CNNM1: variants seen among roughly 807,000 people sequenced by gnomAD.
The protein encoded by CNNM1 is metal transporter CNNM1.
A neutral mutation model predicts 78.8 loss-of-function variants in CNNM1; 44 were observed. That is an observed-to-expected ratio of 0.56 (90% CI 0.44 to 0.72). The LOEUF (loss-of-function observed/expected upper bound fraction) is 0.72, where lower values mean the gene tolerates loss of function less well. Among genes scored for constraint, CNNM1 ranks in the 30% least tolerant of loss-of-function variants. The pLI is 0.00. For synonymous variants in CNNM1, 584 were observed against 581.5 expected, an observed-to-expected ratio of 1.00 and a Z score of -0.06; for missense variants, 1,101 against 1,292.2, an observed-to-expected ratio of 0.85 and a Z score of 2.27.
chr10:99,344,812 T>C (rs1003007220), intron 1 of CNNM1, among the ~76,000 whole-genome samples: 3 of 152,252 alleles, frequency 2.0e-5, no homozygotes, highest in African/African-American at 7.2e-5. Flanking sequence ...GGCTTGGATT[T>C]GAAGGCGAAG....
Position 99,329,891 on chromosome 10 carries a change from C to A in CNNM1, c.504C>A (p.Arg168=), listed in dbSNP as rs1850562041. Reference sequence around the variant, plus strand: ...TCCAGGTGCGAGTGCGGGAGCTGCGCAAGGGCGAAGCGGAGCGGGGCGGCG... The same window carrying A: ...TCCAGGTGCGAGTGCGGGAGCTGCGAAAGGGCGAAGCGGAGCGGGGCGGCG... ...ALVQVRVREL[R]KGEAERGGAG... Residue 168 remains arginine, a synonymous_variant, in exon 1 of 11, where the codon CGC becomes CGA. Transcript: ENST00000356713. 2 of 1,392,756 alleles carry A rather than the reference C, an allele frequency of 1.4e-6. No homozygotes were observed. Among genetic ancestry groups the A allele is most frequent in the East Asian group, 6.0e-5 (2 of 33,452 alleles). 86.3% of individuals were successfully genotyped at this position (1,392,756 alleles called of 1,614,324 possible). A position where few individuals can be genotyped will look rare whatever the true frequency, so the allele number is the denominator to read the frequency against.
intron 6 of CNNM1, among the ~76,000 whole-genome samples, chr10:99,373,774 T>G (rs2031881033): frequency 6.6e-6 from 1 of 152,220 alleles, no homozygotes; most frequent in South Asian, 2.1e-4. Flanking sequence ...ACATATTATT[T>G]AGCTCCCACT....
At position 99,329,836 on chromosome 10, in the gene CNNM1, G is replaced by T. The variant is rs1256461263; in HGVS notation, c.449G>T (p.Arg150Leu). 1 of 1,422,236 alleles carries T rather than the reference G, an allele frequency of 7.0e-7. No individual in the cohort carries two copies. 88.1% of individuals were successfully genotyped at this position (1,422,236 alleles called of 1,614,324 possible). ...GACGTGGAAGTCCTGGGGCCCTTGC[G>T]TCCCGGGGGCGTGGCAGGCTCGGCC... The part of the protein sequence containing the change: ...ASDVEVLGPL[R>L]PGGVAGSALV... The change falls in exon 1 of 11, where the codon CGT becomes CTT. Residue 150 changes from arginine (R) to leucine (L), a missense_variant. Arg to Leu is a moderately radical substitution (Grantham distance 102). This residue lies in a region of CNNM1 where 476 missense variants were observed against 484.5 expected (regional missense o/e 0.98). Transcript: ENST00000356713.
chr10:99,382,505 G>A (rs2032191112), intron 7 of CNNM1, among the ~76,000 whole-genome samples: 1 of 152,182 alleles, frequency 6.6e-6, no homozygotes, highest in South Asian at 2.1e-4. Context: ...GCTCACACCT[G>A]TAATCCCACC....
At chr10:99,366,289 G>A (rs2031616092) in intron 6 of CNNM1, among the ~76,000 whole-genome samples, 1 of 152,182 alleles carries the variant, frequency 6.6e-6, no homozygotes, top group Admixed American at 6.5e-5. Flanking sequence ...ACAGGACTTT[G>A]GCAAACCTTA....
At position 99,338,870 on chromosome 10, in the gene CNNM1, G is replaced by A. The variant is rs368968437; in HGVS notation, c.1573+7910G>A. 6.3e-4 allele frequency among the ~76,000 whole-genome samples: 96 copies of A among 152,244 alleles called. 1 individual carries two copies. The South Asian group carries it at 0.019, about 31-fold the overall frequency. On this transcript the variant is annotated intron_variant, in intron 1 of 10. Coordinates refer to ENST00000356713, the MANE Select transcript of CNNM1 (RefSeq NM_020348.3). ...TTAAGAGTGATTTTCTTATAGGGTG[G>A]TATTTTTGCTATAGTTTCCTCAGGG... is the stretch of plus-strand genomic sequence containing the variant.
intron 6 of CNNM1, among the ~76,000 whole-genome samples, chr10:99,365,786 C>T (rs1052091069): frequency 6.6e-6 from 1 of 152,216 alleles, no homozygotes; most frequent in East Asian, 1.9e-4. Flanking sequence ...CAAATAGGGT[C>T]TTTCCTCTCA....
At chr10:99,375,034 T>C (rs1443572376) in intron 6 of CNNM1, among the ~76,000 whole-genome samples, 2 of 152,088 alleles carry the variant, frequency 1.3e-5, no homozygotes, top group African/African-American at 4.8e-5. Flanking sequence ...AGACAGCCAT[T>C]AGCTGAGGCG....
At chr10:99,358,377 G>T (rs539278494) in intron 2 of CNNM1, among the ~76,000 whole-genome samples, 22 of 152,306 alleles carry the variant, frequency 1.4e-4, no homozygotes, top group Admixed American at 1.4e-3. Context: ...TTGTCTTTAG[G>T]ATTGGAATGT....
intron 1 of CNNM1, among the ~76,000 whole-genome samples, chr10:99,338,803 T>C (rs1396717818): frequency 6.6e-6 from 1 of 152,172 alleles, no homozygotes; most frequent in Admixed American, 6.5e-5. Flanking sequence ...GAAAAGCCCA[T>C]TGTCCTGCCA....
intron 1 of CNNM1, among the ~76,000 whole-genome samples, chr10:99,341,186 G>A (rs528860514): frequency 3.9e-5 from 6 of 152,242 alleles, no homozygotes; most frequent in Admixed American, 3.9e-4. Context: ...TTCATCAGAG[G>A]AAGAGCTTCC....
chr10:99,331,597 C>T (rs915451068), intron 1 of CNNM1, among the ~76,000 whole-genome samples: 3 of 152,190 alleles, frequency 2.0e-5, no homozygotes, highest in Admixed American at 6.5e-5. Context: ...CCGGGCGCGG[C>T]GGCTCATGCT....
intron 6 of CNNM1, among the ~76,000 whole-genome samples, chr10:99,369,296 C>G (rs976679698): frequency 6.6e-6 from 1 of 152,118 alleles, no homozygotes; most frequent in African/African-American, 2.4e-5. Context: ...AATGATCAAC[C>G]GTTTGTTTTC....
In CNNM1 at chr10:99,360,984, A is replaced by C; in HGVS notation, c.1858+9A>C. 1 of 1,597,730 alleles carries C rather than the reference A, an allele frequency of 6.3e-7. No homozygotes were observed. Among genetic ancestry groups the C allele is most frequent in the African/African-American group, 1.3e-5 (1 of 74,538 alleles). On this transcript the variant is annotated intron_variant, in intron 3 of 10. Transcript: ENST00000356713. ...CCGCTTCATGGCCACAGGTAGGACA[A>C]GTCTCCACTCCAGAGAAGCTAAAAC...
At chr10:99,347,496 G>A (rs1564942596) in intron 1 of CNNM1, among the ~76,000 whole-genome samples, 1 of 150,998 alleles carries the variant, frequency 6.6e-6, no homozygotes, top group Admixed American at 6.6e-5. Flanking sequence ...CTCCAGCCTG[G>A]GGGACAGAGC....
intron 6 of CNNM1, among the ~76,000 whole-genome samples, chr10:99,366,120 C>G (rs1248054317): frequency 6.6e-6 from 1 of 152,186 alleles, no homozygotes; most frequent in African/African-American, 2.4e-5. Context: ...AAATGAAGTA[C>G]CTGCCCAGTG....
chr10:99,340,561 CTAG>C (rs756666946), intron 1 of CNNM1, among the ~76,000 whole-genome samples: 113 of 152,264 alleles, frequency 7.4e-4, no homozygotes, highest in Non-Finnish European at 1.4e-3. Flanking sequence ...GTGGGTTTTC[CTAG>C]TAGTACTGTC....
chr10:99,353,605 A>G (rs2031025523), intron 1 of CNNM1, among the ~76,000 whole-genome samples: 1 of 152,160 alleles, frequency 6.6e-6, no homozygotes, highest in African/African-American at 2.4e-5. Context: ...TTCAAGACCA[A>G]CCTTTCATGA....
chr10:99,371,794 C>T (rs1234523000), intron 6 of CNNM1, among the ~76,000 whole-genome samples: 1 of 152,032 alleles, frequency 6.6e-6, no homozygotes, highest in African/African-American at 2.4e-5. Flanking sequence ...CTAAATATTG[C>T]CCCAGTATAA....
Sources: allele counts gnomAD v4.1 joint callset (sites outside exome capture counted in the v4.1 genomes callset), GRCh38; gene constraint gnomAD v4.1.1; regional missense constraint gnomAD v4.1.1; transcripts MANE v1.5; gene names NCBI Gene and HGNC (gene_info 2026-07-23, HGNC 2026-07-21).